Variants in ELAVL4 observed in about 807,000 individuals in gnomAD.
ELAVL4 encodes ELAV like RNA binding protein 4.
ELAVL4 carries 1 observed loss-of-function variant against 35.6 expected under a neutral mutation model. The ratio of observed to expected loss-of-function variants is 0.03; its 90% CI spans 0.01 to 0.13. ELAVL4 has a LOEUF of 0.13. Ranked by LOEUF, ELAVL4 falls within the 10% of genes least tolerant of loss-of-function variation. The pLI is 1.00. For synonymous variants in ELAVL4, 156 were observed against 171.0 expected (o/e 0.91, Z 0.69); for missense variants, 267 against 464.9 (o/e 0.57, Z 3.91).
chr1:50,113,957 A>G (rs1667517724), intron 1 of ELAVL4, among the ~76,000 whole-genome samples: 1 of 152,100 alleles, frequency 6.6e-6, no homozygotes. Context: ...AAATGGAGAG[A>G]AAACCAAACT....
intron 1 of ELAVL4, among the ~76,000 whole-genome samples, chr1:50,085,236 A>G (rs982497269): frequency 6.6e-6 from 1 of 152,198 alleles, no homozygotes; most frequent in Non-Finnish European, 1.5e-5. Flanking sequence ...AGTAAATTTC[A>G]TTTGCTAAAG....
At chr1:50,062,300 G>C (rs1664027505) in intron 1 of ELAVL4, among the ~76,000 whole-genome samples, 1 of 152,160 alleles carries the variant, frequency 6.6e-6, no homozygotes, top group Admixed American at 6.5e-5. Flanking sequence ...TGAGAGCCCA[G>C]AGGAGGGACC....
intron 1 of ELAVL4, among the ~76,000 whole-genome samples, chr1:50,137,310 G>A (rs901738418): frequency 6.6e-6 from 1 of 152,236 alleles, no homozygotes; most frequent in Non-Finnish European, 1.5e-5. Flanking sequence ...TGAGGAGGGG[G>A]ATCAATCCTG....
chr1:50,201,024 G>A lies in ELAVL4; in HGVS notation c.947G>A (p.Arg316His). ...GCAGTGAACAACGTAAAGGTGATTC[G>A]TGACTTCAACACCAACAAGTGCAAG... ...FGAVNNVKVIRDFNTNKCKGF... is the reference protein window; with the variant it reads ...FGAVNNVKVIHDFNTNKCKGF... The change falls in exon 7 of 7, where the codon CGT becomes CAT. Residue 316 changes from arginine to histidine, a missense_variant. Transcript: ENST00000371824. The surrounding 1 kb of genome is among the most constrained non-coding windows in gnomAD (Gnocchi z 4.3). 6.2e-7 allele frequency: 1 copy of A among 1,614,050 alleles called. No individual in the cohort carries two copies. The highest frequency in any genetic ancestry group is 8.5e-7 in the Non-Finnish European group (1 of 1,179,986).
At chr1:50,092,908 A>G (rs1665556916) in intron 1 of ELAVL4, among the ~76,000 whole-genome samples, 1 of 152,182 alleles carries the variant, frequency 6.6e-6, no homozygotes, top group African/African-American at 2.4e-5. Flanking sequence ...TTCAATAAGG[A>G]CAAGAGTAAC....
intron 1 of ELAVL4, among the ~76,000 whole-genome samples, chr1:50,052,820 T>C (rs1365694723): frequency 1.3e-5 from 2 of 152,202 alleles, no homozygotes; most frequent in Non-Finnish European, 1.5e-5. Context: ...CAGAGTATGA[T>C]ATTTTATCCA....
At chr1:50,194,013 T>A in intron 4 of ELAVL4, 95 bp downstream of exon 4, 2 of 1,454,078 alleles carry the variant, frequency 1.4e-6, no homozygotes, top group Non-Finnish European at 1.9e-6. Context: ...TTAAAGCAGA[T>A]GATATGGATC....
chr1:50,110,054 C>T (rs919338343), intron 1 of ELAVL4: 8 of 1,483,178 alleles, frequency 5.4e-6, no homozygotes, highest in Non-Finnish European at 7.4e-6. Flanking sequence ...TGTAAGGATG[C>T]TGGACTGTGC....
At chr1:50,102,574 ATCAAG>A (rs1196180210), upstream of ELAVL4, among the ~76,000 whole-genome samples, 6 of 152,094 alleles carry the variant, frequency 3.9e-5, no homozygotes, top group African/African-American at 1.2e-4. Flanking sequence ...TAAATTCCAT[ATCAAG>A]TCATTTTCAA....
chr1:50,167,692 G>A (rs1388707423), intron 2 of ELAVL4, among the ~76,000 whole-genome samples: 1 of 152,144 alleles, frequency 6.6e-6, no homozygotes, highest in Non-Finnish European at 1.5e-5. Flanking sequence ...TGGCCACTTT[G>A]TTCATGACAG....
chr1:50,088,057 C>G (rs992659945), intron 1 of ELAVL4, among the ~76,000 whole-genome samples: 4 of 152,096 alleles, frequency 2.6e-5, no homozygotes, highest in African/African-American at 9.7e-5. Context: ...TCTGATAGTT[C>G]CTTTGAGGCT....
rs370348543 is a variant in ELAVL4, at chr1:50,201,390, GA to G, written c.*224del. The G allele has an allele frequency of 0.057, 13,566 of 237,178 alleles. 363 individuals carry two copies. Among genetic ancestry groups the G allele is most frequent in the African/African-American group, 0.14 (5,436 of 39,990 alleles). 14.7% of individuals were successfully genotyped at this position (237,178 alleles called of 1,614,324 possible). On this transcript the variant is annotated 3_prime_UTR_variant, in exon 7 of 7. Coordinates refer to ENST00000371824, the MANE Select transcript of ELAVL4 (RefSeq NM_001144774.3). The surrounding 1 kb of genome is among the most constrained non-coding windows in gnomAD (Gnocchi z 4.3). ...GGATTTTATAATGCTTAGAAAAAAA[GA>G]AAAAAAAAAAACAAAAAATACCTTT... is the stretch of plus-strand genomic sequence containing the variant.
chr1:50,135,534 C>T (rs1421387584), intron 1 of ELAVL4, among the ~76,000 whole-genome samples: 2 of 152,184 alleles, frequency 1.3e-5, no homozygotes, highest in Non-Finnish European at 2.9e-5. Context: ...CAACCCTCTA[C>T]AGGGAGGGAC....
At chr1:50,071,447 T>C (rs1664512935) in intron 1 of ELAVL4, among the ~76,000 whole-genome samples, 1 of 152,156 alleles carries the variant, frequency 6.6e-6, no homozygotes, top group Admixed American at 6.5e-5. Flanking sequence ...TTTTTGCAAA[T>C]GTAGCCAATA....
intron 2 of ELAVL4, among the ~76,000 whole-genome samples, chr1:50,170,438 C>T (rs1344737011): frequency 2.6e-5 from 4 of 152,060 alleles, no homozygotes; most frequent in South Asian, 2.1e-4. Context: ...TGTAGTATCC[C>T]CAGAAACCAA....
At chr1:50,077,616 G>A (rs746157257) in intron 1 of ELAVL4, among the ~76,000 whole-genome samples, 2 of 151,960 alleles carry the variant, frequency 1.3e-5, no homozygotes, top group Non-Finnish European at 2.9e-5. Flanking sequence ...CCAAATATCT[G>A]GTCACCCTGT....
chr1:50,134,110 A>G (rs1424246727), intron 1 of ELAVL4, among the ~76,000 whole-genome samples: 1 of 152,206 alleles, frequency 6.6e-6, no homozygotes, highest in African/African-American at 2.4e-5. Context: ...GAAGAATTTA[A>G]TCTGAGTGTG....
At chr1:50,096,875 C>G (rs974968114) in intron 1 of ELAVL4, among the ~76,000 whole-genome samples, 8 of 152,002 alleles carry the variant, frequency 5.3e-5, no homozygotes, top group African/African-American at 1.9e-4. Context: ...TTTTAAAAGC[C>G]CATGGTTTTA....
chr1:50,085,890 TC>T (rs1665217549), intron 1 of ELAVL4, among the ~76,000 whole-genome samples: 2 of 152,194 alleles, frequency 1.3e-5, no homozygotes, highest in South Asian at 4.1e-4. Context: ...TGCAGAGATA[TC>T]CCCTTAGCAT....
Sources: gnomAD v4.1 joint callset for allele counts (sites outside exome capture counted in the v4.1 genomes callset) on GRCh38, gnomAD v4.1.1 for gene constraint, Gnocchi (gnomAD v3.1) non-coding constraint, MANE v1.5 for transcripts, NCBI Gene and HGNC (gene_info 2026-07-23, HGNC 2026-07-21) for gene names.